Variants in TOMM7 observed in about 807,000 individuals in gnomAD.
TOMM7 encodes the protein translocase of outer mitochondrial membrane 7.
TOMM7 carries 8 observed loss-of-function variants against 9.5 expected under a neutral mutation model. The observed-to-expected ratio is 0.84, with a 90% CI of 0.49 to 1.51. The LOEUF (loss-of-function observed/expected upper bound fraction) is 1.51, where lower values mean the gene tolerates loss of function less well. TOMM7 is among the 40% of genes most tolerant of loss of function. The probability of loss-of-function intolerance (pLI) is 0.00; values close to 1 mark genes in which losing one functional copy is unlikely to be tolerated. For missense variants in TOMM7, 74 were observed against 63.7 expected (o/e 1.16, Z -0.55); for synonymous variants, 27 against 21.4 (o/e 1.26, Z -0.72).
At chr7:22,815,034 G>A (rs1422406334) in intron 2 of TOMM7, among the ~76,000 whole-genome samples, 1 of 152,168 alleles carries the variant, frequency 6.6e-6, no homozygotes, top group African/African-American at 2.4e-5. Context: ...CCGTAACTGA[G>A]TAACCCTTTG....
At chr7:22,821,061 T>C (rs1321860091) in intron 1 of TOMM7, among the ~76,000 whole-genome samples, 1 of 152,106 alleles carries the variant, frequency 6.6e-6, no homozygotes, top group Non-Finnish European at 1.5e-5. Flanking sequence ...ACAGCTGGGA[T>C]GAAAAACCTG....
chr7:22,816,200 G>A (rs1233345590), intron 2 of TOMM7, among the ~76,000 whole-genome samples: 1 of 152,168 alleles, frequency 6.6e-6, no homozygotes, highest in Non-Finnish European at 1.5e-5. Flanking sequence ...AATGCTCATG[G>A]CTACCTTATT....
chr7:22,816,961 C>T (rs547062127), intron 2 of TOMM7, among the ~76,000 whole-genome samples: 30 of 152,340 alleles, frequency 2.0e-4, no homozygotes, highest in African/African-American at 7.0e-4. Flanking sequence ...AACATATTTT[C>T]TGCCCACTCT....
rs1421504270 is a variant in TOMM7, at chr7:22,813,098, T to C, written c.*72A>G. On this transcript the variant is annotated 3_prime_UTR_variant, in exon 3 of 3. Transcript: ENST00000358435. ...AGTGACTGAATGATGTCCCATCTCT[T>C]ATCCGAGCCAGAGCACACATCTTCC... 1.3e-6 allele frequency: 2 copies of C among 1,534,968 alleles called. No individual in the cohort carries two copies. The highest frequency in any genetic ancestry group is 2.7e-5 in the African/African-American group (2 of 73,302).
At chr7:22,821,079 C>G (rs1782381787) in intron 1 of TOMM7, among the ~76,000 whole-genome samples, 2 of 152,180 alleles carry the variant, frequency 1.3e-5, no homozygotes. Context: ...CTGCTCTTTC[C>G]CTTTCACCGA....
At chr7:22,821,414 A>G (rs1278014735) in intron 1 of TOMM7, among the ~76,000 whole-genome samples, 1 of 149,638 alleles carries the variant, frequency 6.7e-6, no homozygotes, top group Non-Finnish European at 1.5e-5. Context: ...TCAAAAAAAA[A>G]AAAAAAAAAG....
chr7:22,818,112 A>G, intron 1 of TOMM7, 64 bp from the exon 2 acceptor site: 4 of 1,500,474 alleles, frequency 2.7e-6, no homozygotes, highest in Non-Finnish European at 3.7e-6. Context: ...AAACATTTAC[A>G]ATCAAGACTT....
intron 2 of TOMM7, 68 bp from the exon 3 acceptor site, chr7:22,813,253 G>T: frequency 1.4e-6 from 2 of 1,429,974 alleles, no homozygotes; most frequent in South Asian, 2.5e-5. Context: ...CATAACCTAA[G>T]ACCTAGAAAA....
intron 2 of TOMM7, 144 bp downstream of exon 2, chr7:22,817,856 A>G: frequency 1.6e-6 from 1 of 641,600 alleles, no homozygotes; most frequent in South Asian, 2.1e-5. Context: ...AAGAGAAAGT[A>G]GTTGCAGTTT....
Position 22,822,746 on chromosome 7 carries a change from G to A in TOMM7, c.34C>T (p.Leu12=), listed in dbSNP as rs1255709934. 2.2e-5 allele frequency: 36 copies of A among 1,614,100 alleles called. No homozygotes were observed. Among genetic ancestry groups the A allele is most frequent in the Non-Finnish European group, 3.0e-5 (35 of 1,180,032 alleles). The change falls in exon 1 of 3, where the codon CTA becomes TTA. Residue 12 remains leucine (L), a synonymous_variant. Transcript: ENST00000358435. ...VKLSKEAKQR[L]QQLFKGSQFA... ...TGGCTCCCCTTGAAGAGCTGCTGTAGTCTCTGCTTGGCCTCTTTGCTCAGC... is the reference window on the plus strand; with the variant it reads ...TGGCTCCCCTTGAAGAGCTGCTGTAATCTCTGCTTGGCCTCTTTGCTCAGC...
Position 22,817,999 on chromosome 7 carries a change from C to T in TOMM7, c.152+1G>A, listed in dbSNP as rs111732724. 1.9e-6 allele frequency: 3 copies of T among 1,613,642 alleles called. No homozygotes were observed. The highest frequency in any genetic ancestry group is 1.1e-5 in the South Asian group (1 of 91,066). ...GAAATGTTTAGTTTTAAGAGCAGTA[C>T]CTCAAAACAGTTGGTTCAGGCATTC... On this transcript the variant is annotated splice_donor_variant, in intron 2 of 2. Transcript: ENST00000358435. LOFTEE classifies it high-confidence loss of function.
chr7:22,822,226 C>T (rs1003584267), intron 1 of TOMM7: 2 of 1,550,778 alleles, frequency 1.3e-6, no homozygotes, highest in African/African-American at 2.7e-5. Flanking sequence ...AGGCATCCAA[C>T]GACTATTATT....
intron 1 of TOMM7, among the ~76,000 whole-genome samples, chr7:22,821,910 G>A (rs534988657): frequency 2.0e-4 from 31 of 152,166 alleles, no homozygotes; most frequent in Non-Finnish European, 1.9e-4. Flanking sequence ...TGAGGTGGAA[G>A]GATCGCTAGA....
At chr7:22,819,027 G>C (rs1451987640) in intron 1 of TOMM7, among the ~76,000 whole-genome samples, 1 of 151,984 alleles carries the variant, frequency 6.6e-6, no homozygotes, top group African/African-American at 2.4e-5. Context: ...AGGGCGGGGG[G>C]GTTGGCGGCA....
At chr7:22,815,520 A>G (rs1346013295) in intron 2 of TOMM7, among the ~76,000 whole-genome samples, 1 of 137,860 alleles carries the variant, frequency 7.3e-6, no homozygotes, top group African/African-American at 3.0e-5. Flanking sequence ...ACACAGTGAG[A>G]CCTTCTTGCT....
chr7:22,822,715 G>C lies in TOMM7; in HGVS notation c.65C>G (p.Ala22Gly). The change falls in exon 1 of 3, where the codon GCC becomes GGC. Residue 22 changes from alanine to glycine, a missense_variant. By Grantham distance (60) the Ala-to-Gly change is moderately conservative (BLOSUM62 0). Coordinates refer to ENST00000358435, the MANE Select transcript of TOMM7 (RefSeq NM_019059.5). Reference sequence around the variant, plus strand: ...AAGAGGGATAAAGCCCCAGCGAATGGCAAACTGGCTCCCCTTGAAGAGCTG... The same window carrying C: ...AAGAGGGATAAAGCCCCAGCGAATGCCAAACTGGCTCCCCTTGAAGAGCTG... ...LQQLFKGSQF[A>G]IRWGFIPLVI... 1 of 1,614,194 alleles carries C rather than the reference G, an allele frequency of 6.2e-7. No homozygotes were observed.
intron 1 of TOMM7, among the ~76,000 whole-genome samples, chr7:22,821,580 C>T (rs534321753): frequency 6.6e-6 from 1 of 151,956 alleles, no homozygotes; most frequent in African/African-American, 2.4e-5. Flanking sequence ...AAAACCCCGT[C>T]TCTACTAAAA....
At chr7:22,819,948 C>A (rs60394511) in intron 1 of TOMM7, among the ~76,000 whole-genome samples, 7 of 152,162 alleles carry the variant, frequency 4.6e-5, no homozygotes, top group African/African-American at 1.7e-4. Context: ...ACTATACTCC[C>A]TGAAGCACTG....
At chr7:22,817,146 C>G (rs1782326675) in intron 2 of TOMM7, among the ~76,000 whole-genome samples, 1 of 152,138 alleles carries the variant, frequency 6.6e-6, no homozygotes, top group Non-Finnish European at 1.5e-5. Context: ...ATCAGTCGTT[C>G]CTCCAGAGCA....
Sources: allele counts gnomAD v4.1 joint callset (sites outside exome capture counted in the v4.1 genomes callset), GRCh38; gene constraint gnomAD v4.1.1; transcripts MANE v1.5; gene names NCBI Gene and HGNC (gene_info 2026-07-23, HGNC 2026-07-21).